Variants in ZNF281 observed in about 807,000 individuals in gnomAD.
The protein encoded by ZNF281 is GC-box-binding zinc finger protein 1.
A neutral mutation model predicts 58.8 loss-of-function variants in ZNF281; 2 were observed. The ratio of observed to expected loss-of-function variants is 0.03; its 90% CI spans 0.01 to 0.11. The LOEUF (loss-of-function observed/expected upper bound fraction) is 0.11. Ranked by LOEUF, ZNF281 falls within the 10% of genes least tolerant of loss-of-function variation. The pLI, the probability that ZNF281 is intolerant of heterozygous loss-of-function variation, is 1.00. For synonymous variants in ZNF281, 465 were observed against 407.7 expected (o/e 1.14, Z -1.69); for missense variants, 975 against 1,090.7 (o/e 0.89, Z 1.49).
In ZNF281 at chr1:200,409,641, G is replaced by C. The variant is rs1654566227; in HGVS notation, c.65C>G (p.Ser22Cys). The part of the protein sequence containing the change: ...GGTGSSGGSG[S>C]GGGGSGGGGG... ...GCCGCCGCCACTACCACCGCCGCCG[G>C]AGCCGCTACCACCGCTACTGCCGGT... Residue 22 changes from serine to cysteine, a missense_variant, in exon 2 of 2, where the codon TCC (serine) becomes TGC (cysteine). By Grantham distance (112) the Ser-to-Cys change is moderately radical. This residue lies in a region of ZNF281 where 370 missense variants were observed against 360.9 expected (regional missense o/e 1.03). Coordinates refer to ENST00000367353, the MANE Select transcript of ZNF281 (RefSeq NM_001281293.2). 3 of 1,546,506 alleles carry C rather than the reference G, an allele frequency of 1.9e-6. No homozygotes were observed. The highest frequency in any genetic ancestry group is 2.6e-6 in the Non-Finnish European group (3 of 1,148,192).
Position 200,409,110 on chromosome 1 carries a change from C to T in ZNF281, c.596G>A (p.Ser199Asn), listed in dbSNP as rs1188250073. The T allele has an allele frequency of 6.2e-7, 1 of 1,614,128 alleles. No individual in the cohort carries two copies. Among genetic ancestry groups the T allele is most frequent in the African/African-American group, 1.3e-5 (1 of 74,932 alleles). ...ATGGTGGTCATCAGTCCTGCTACTG[C>T]TGCTGAGTAATACGTCACGGTGGTG... Reference protein sequence around the residue: ...AQHHRDVLLSSSSRTDDHHGT... With the variant: ...AQHHRDVLLSNSSRTDDHHGT... The change falls in exon 2 of 2, where the codon AGC (serine) becomes AAC (asparagine). Residue 199 changes from serine to asparagine, a missense_variant. Physicochemically the swap from Ser to Asn is conservative, Grantham distance 46. Coordinates refer to ENST00000367353, the MANE Select transcript of ZNF281 (RefSeq NM_001281293.2).
chr1:200,406,786 A>G lies in ZNF281; in HGVS notation c.*232T>C, dbSNP rs962815111. 16 of 402,662 alleles carry G rather than the reference A, an allele frequency of 4.0e-5. No homozygotes were observed. Among genetic ancestry groups the G allele is most frequent in the African/African-American group, 2.5e-4 (12 of 47,754 alleles). The allele number at this position is 402,662 out of a possible 1,614,324, so 24.9% of individuals were successfully genotyped here. A position where few individuals can be genotyped will look rare whatever the true frequency, so the allele number is the denominator to read the frequency against. On this transcript the variant is annotated 3_prime_UTR_variant, in exon 2 of 2. Coordinates refer to ENST00000367353, the MANE Select transcript of ZNF281 (RefSeq NM_001281293.2). The stretch of plus-strand genomic sequence containing the variant: ...ATCTATACATGTAAATTTGATTGCT[A>G]AACATTGTCACTTTGAATGTCAAAC...
At position 200,405,703 on chromosome 1, in the gene ZNF281, G is replaced by A. The variant is rs184307307; in HGVS notation, c.*1315C>T. The A allele has an allele frequency of 6.6e-6, 1 of 152,260 alleles. No individual in the cohort carries two copies. The highest frequency in any genetic ancestry group is 1.9e-4 in the East Asian group (1 of 5,194). The allele number at this position is 152,260 out of a possible 1,614,324, so 9.4% of individuals were successfully genotyped here. A position where few individuals can be genotyped will look rare whatever the true frequency, so the allele number is the denominator to read the frequency against. On this transcript the variant is annotated 3_prime_UTR_variant, in exon 2 of 2. Transcript: ENST00000367353. Reference sequence around the variant, plus strand: ...TACTAATGCACCCTTTCATTAAAATGTACATTAAAGGCCGCAATTTCACAA... The same window carrying A: ...TACTAATGCACCCTTTCATTAAAATATACATTAAAGGCCGCAATTTCACAA...
chr1:200,408,901 C>G lies in ZNF281; in HGVS notation c.805G>C (p.Ala269Pro). The change falls in exon 2 of 2, where the codon GCT (alanine) becomes CCT (proline). Residue 269 changes from alanine to proline, a missense_variant. Physicochemically the swap from Ala to Pro is conservative, Grantham distance 27. This residue lies in a region of ZNF281 where 370 missense variants were observed against 360.9 expected (regional missense o/e 1.03). Transcript: ENST00000367353. Reference sequence around the variant, plus strand: ...CGCAGGTGATAGGAGCTTCGGAAAGCAGCACTACAGTGATCACAGATATGA... The same window carrying G: ...CGCAGGTGATAGGAGCTTCGGAAAGGAGCACTACAGTGATCACAGATATGA... ...KPHICDHCSA[A>P]FRSSYHLRRH... 1.2e-6 allele frequency: 2 copies of G among 1,614,252 alleles called. No individual in the cohort carries two copies. The highest frequency in any genetic ancestry group is 1.7e-6 in the Non-Finnish European group (2 of 1,180,046).
Position 200,406,871 on chromosome 1 carries a change from T to G in ZNF281, c.*147A>C, listed in dbSNP as rs1654465184. On this transcript the variant is annotated 3_prime_UTR_variant, in exon 2 of 2. Transcript: ENST00000367353. Reference sequence around the variant, plus strand: ...AATACAAACAGAGCTAAAATCACGCTAACAAAATAAACTAAATATGAAAAG... The same window carrying G: ...AATACAAACAGAGCTAAAATCACGCGAACAAAATAAACTAAATATGAAAAG... 3 of 716,290 alleles carry G rather than the reference T, an allele frequency of 4.2e-6. No homozygotes were observed. 44.4% of individuals were successfully genotyped at this position (716,290 alleles called of 1,614,324 possible). A position where few individuals can be genotyped will look rare whatever the true frequency, so the allele number is the denominator to read the frequency against.
In ZNF281 at chr1:200,407,994, C is replaced by T. The variant is rs1339294165; in HGVS notation, c.1712G>A (p.Gly571Asp). ...TGCCTCATTGTCCAAAACACTGACA[C>T]CTGCAGACTGAATGACAGACTGTTG... The part of the protein sequence containing the change: ...VSQQSVIQSA[G>D]VSVLDNEAPL... The change falls in exon 2 of 2, where the codon GGT (glycine) becomes GAT (aspartate). Residue 571 changes from glycine to aspartate, a missense_variant. Transcript: ENST00000367353. 2 of 1,614,064 alleles carry T rather than the reference C, an allele frequency of 1.2e-6. No homozygotes were observed. Among genetic ancestry groups the T allele is most frequent in the Non-Finnish European group, 1.7e-6 (2 of 1,180,050 alleles).
At position 200,407,319 on chromosome 1, in the gene ZNF281, T is replaced by C; in HGVS notation, c.2387A>G (p.Asn796Ser). 1 of 1,614,092 alleles carries C rather than the reference T, an allele frequency of 6.2e-7. No homozygotes were observed. Among genetic ancestry groups the C allele is most frequent in the Non-Finnish European group, 8.5e-7 (1 of 1,180,034 alleles). ...CTGAAAGCCTGTTGAAGACTCTAAG[T>C]TTTTCTGTTCCTTCTGGCTAGTCAA... ...QKLTSQKEQKNLESSTGFQIP... is the reference protein window; with the variant it reads ...QKLTSQKEQKSLESSTGFQIP... Residue 796 changes from asparagine (N) to serine (S), a missense_variant, in exon 2 of 2, where the codon AAC becomes AGC. Coordinates refer to ENST00000367353, the MANE Select transcript of ZNF281 (RefSeq NM_001281293.2).
rs1558005286 is a variant in ZNF281, at chr1:200,408,299, T to C, written c.1407A>G (p.Lys469=). 1.2e-6 allele frequency: 2 copies of C among 1,612,244 alleles called. No individual in the cohort carries two copies. Among genetic ancestry groups the C allele is most frequent in the East Asian group, 4.5e-5 (2 of 44,882 alleles). Residue 469 remains lysine (K), a synonymous_variant, in exon 2 of 2, where the codon AAA becomes AAG. Transcript: ENST00000367353. ...TTTTATCTGTATTCTTTCTGCTTCCTTTCTTAAAGATCAATTTTGGCACCC... is the reference window on the plus strand; with the variant it reads ...TTTTATCTGTATTCTTTCTGCTTCCCTTCTTAAAGATCAATTTTGGCACCC... ...QKRVPKLIFK[K]GSRKNTDKNY... is the part of the protein sequence containing the mutation.
Position 200,408,052 on chromosome 1 carries a change from C to T in ZNF281, c.1654G>A (p.Ala552Thr). The change falls in exon 2 of 2, where the codon GCC (alanine) becomes ACC (threonine). Residue 552 changes from alanine (A) to threonine (T), a missense_variant. Around this residue, in one of 3 missense-constraint regions of ZNF281, gnomAD observed 579 missense variants for 608.9 expected, o/e 0.95. Coordinates refer to ENST00000367353, the MANE Select transcript of ZNF281 (RefSeq NM_001281293.2). ...RYLPTASSNS[A>T]FSINVGHMVS... The stretch of plus-strand genomic sequence containing the variant: ...ATGTGTCCTACGTTTATAGAAAAGG[C>T]ACTGTTGCTGCTGGCAGTTGGTAAA... 7 of 1,614,190 alleles carry T rather than the reference C, an allele frequency of 4.3e-6. No individual in the cohort carries two copies. The highest frequency in any genetic ancestry group is 5.9e-6 in the Non-Finnish European group (7 of 1,180,038).
chr1:200,409,274 ATGG>A lies in ZNF281; in HGVS notation c.429_431del (p.His148del). On this transcript the variant is annotated inframe_deletion, in exon 2 of 2. Coordinates refer to ENST00000367353, the MANE Select transcript of ZNF281 (RefSeq NM_001281293.2). The stretch of plus-strand genomic sequence containing the variant: ...ACAGCCCCCCATAGTGGTGGTGGTG[ATGG>A]TGGTGGTGGGACTGCTGCTCCTCAG... 6.2e-7 allele frequency: 1 copy of A among 1,613,018 alleles called. No homozygotes were observed.
Position 200,407,788 on chromosome 1 carries a change from C to G in ZNF281, c.1918G>C (p.Glu640Gln). ...TCTTCTTGAACCAATTCTGAGTGTT[C>G]TCCTGAGGTGTGTAAATCCACTCGT... ...EPRVDLHTSG[E>Q]HSELVQEENL... Residue 640 changes from glutamate to glutamine, a missense_variant, in exon 2 of 2, where the codon GAA becomes CAA. Transcript: ENST00000367353. The G allele has an allele frequency of 6.2e-7, 1 of 1,614,158 alleles. No individual in the cohort carries two copies. The highest frequency in any genetic ancestry group is 8.5e-7 in the Non-Finnish European group (1 of 1,180,030).
Position 200,407,148 on chromosome 1 carries a change from G to C in ZNF281, c.2558C>G (p.Ser853Cys). The change falls in exon 2 of 2, where the codon TCT becomes TGT. Residue 853 changes from serine (S) to cysteine (C), a missense_variant. Coordinates refer to ENST00000367353, the MANE Select transcript of ZNF281 (RefSeq NM_001281293.2). The part of the protein sequence containing the change: ...SRVPMTFITN[S>C]NGEVDHRVRT... ...TACTCTATGGTCCACTTCTCCATTA[G>C]AGTTAGTGATAAAGGTCATTGGCAC... 3 of 1,614,140 alleles carry C rather than the reference G, an allele frequency of 1.9e-6. No homozygotes were observed. Among genetic ancestry groups the C allele is most frequent in the Non-Finnish European group, 2.5e-6 (3 of 1,180,022 alleles).
Position 200,410,006 on chromosome 1 carries a change from C to T in ZNF281, c.-79G>A. Reference sequence around the variant, plus strand: ...GTTAATAAAAATAACGCCGTCCTCTCCACAATGGAATTAAAAGCCTCCCGT... The same window carrying T: ...GTTAATAAAAATAACGCCGTCCTCTTCACAATGGAATTAAAAGCCTCCCGT... On this transcript the variant is annotated 5_prime_UTR_variant, in exon 1 of 2. Transcript: ENST00000367353. 1 of 551,272 alleles carries T rather than the reference C, an allele frequency of 1.8e-6. No homozygotes were observed. Among genetic ancestry groups the T allele is most frequent in the Non-Finnish European group, 3.2e-6 (1 of 311,712 alleles). 34.1% of individuals were successfully genotyped at this position (551,272 alleles called of 1,614,324 possible).
In ZNF281 at chr1:200,408,445, C is replaced by A; in HGVS notation, c.1261G>T (p.Gly421Cys). Residue 421 changes from glycine to cysteine, a missense_variant, in exon 2 of 2, where the codon GGT becomes TGT. Gly to Cys is a radical substitution (Grantham distance 159). Around this residue, in one of 3 missense-constraint regions of ZNF281, gnomAD observed 579 missense variants for 608.9 expected, o/e 0.95. Coordinates refer to ENST00000367353, the MANE Select transcript of ZNF281 (RefSeq NM_001281293.2). ...IAIENKEQKT[G>C]KTNESQISNN... ...GAAATTTGCGATTCATTTGTTTTAC[C>A]GGTCTTCTGTTCCTTATTTTCAATA... The A allele has an allele frequency of 6.2e-7, 1 of 1,614,064 alleles. No homozygotes were observed. The highest frequency in any genetic ancestry group is 8.5e-7 in the Non-Finnish European group (1 of 1,180,014).
Position 200,408,049 on chromosome 1 carries a change from A to G in ZNF281, c.1657T>C (p.Phe553Leu). The G allele has an allele frequency of 6.2e-7, 1 of 1,614,224 alleles. No homozygotes were observed. The highest frequency in any genetic ancestry group is 8.5e-7 in the Non-Finnish European group (1 of 1,180,054). Reference sequence around the variant, plus strand: ...ACCATGTGTCCTACGTTTATAGAAAAGGCACTGTTGCTGCTGGCAGTTGGT... The same window carrying G: ...ACCATGTGTCCTACGTTTATAGAAAGGGCACTGTTGCTGCTGGCAGTTGGT... The part of the protein sequence containing the change: ...YLPTASSNSA[F>L]SINVGHMVSQ... Residue 553 changes from phenylalanine (F) to leucine (L), a missense_variant, in exon 2 of 2, where the codon TTT (phenylalanine) becomes CTT (leucine). Coordinates refer to ENST00000367353, the MANE Select transcript of ZNF281 (RefSeq NM_001281293.2).
In ZNF281 at chr1:200,408,565, C is replaced by T; in HGVS notation, c.1141G>A (p.Gly381Arg). The T allele has an allele frequency of 6.2e-7, 1 of 1,614,168 alleles. No individual in the cohort carries two copies. The highest frequency in any genetic ancestry group is 8.5e-7 in the Non-Finnish European group (1 of 1,180,030). ...CCCATATTGGTATGGTTTGATGACCCAGGTTCTGCACTAGTGGCTCCTTTA... is the reference window on the plus strand; with the variant it reads ...CCCATATTGGTATGGTTTGATGACCTAGGTTCTGCACTAGTGGCTCCTTTA... ...IVKGATSAEP[G>R]SSNHTNMGNL... Residue 381 changes from glycine (G) to arginine (R), a missense_variant, in exon 2 of 2, where the codon GGG becomes AGG. Physicochemically the swap from Gly to Arg is moderately radical, Grantham distance 125. This residue lies in a region of ZNF281 where 579 missense variants were observed against 608.9 expected (regional missense o/e 0.95). Coordinates refer to ENST00000367353, the MANE Select transcript of ZNF281 (RefSeq NM_001281293.2).
rs61734670 is a variant in ZNF281 at position 200,408,344 on chromosome 1, T to G, written c.1362A>C (p.Gly454=). 2,712 of 1,613,846 alleles carry G rather than the reference T, an allele frequency of 1.7e-3. 39 individuals carry two copies. In the African/African-American group the frequency reaches 0.033, roughly 19 times the overall value. The change falls in exon 2 of 2, where the codon GGA becomes GGC. Residue 454 remains glycine, a synonymous_variant. Transcript: ENST00000367353. ...GCACCCTCTTCTGCAGTTCATCTAT[T>G]CCAGTGCCAATTATGCCTCCACTGG... The part of the protein sequence containing the change: ...VSSSGGIIGT[G]IDELQKRVPK...
Position 200,407,653 on chromosome 1 carries a change from T to C in ZNF281, c.2053A>G (p.Thr685Ala), listed in dbSNP as rs1445714213. 1.2e-6 allele frequency: 2 copies of C among 1,614,164 alleles called. No individual in the cohort carries two copies. The highest frequency in any genetic ancestry group is 1.7e-6 in the Non-Finnish European group (2 of 1,180,018). The part of the protein sequence containing the change: ...AFEKSTNASF[T>A]LGHGFQFVSL... ...ACAAATTGGAAACCGTGTCCAAGAGTAAAACTTGCATTAGTGGATTTTTCA... is the reference window on the plus strand; with the variant it reads ...ACAAATTGGAAACCGTGTCCAAGAGCAAAACTTGCATTAGTGGATTTTTCA... The change falls in exon 2 of 2, where the codon ACT becomes GCT. Residue 685 changes from threonine (T) to alanine (A), a missense_variant. Thr to Ala is a moderately conservative substitution (Grantham distance 58, BLOSUM62 0). This residue lies in a region of ZNF281 where 579 missense variants were observed against 608.9 expected (regional missense o/e 0.95). Coordinates refer to ENST00000367353, the MANE Select transcript of ZNF281 (RefSeq NM_001281293.2).
At position 200,407,123 on chromosome 1, in the gene ZNF281, T is replaced by C; in HGVS notation, c.2583A>G (p.Val861=). Reference sequence around the variant, plus strand: ...CTGAGAAATCTGACACTGAAGTCCTTACTCTATGGTCCACTTCTCCATTAG... The same window carrying C: ...CTGAGAAATCTGACACTGAAGTCCTCACTCTATGGTCCACTTCTCCATTAG... ...TNSNGEVDHR[V]RTSVSDFSGY... is the part of the protein sequence containing the mutation. The change falls in exon 2 of 2, where the codon GTA becomes GTG. Residue 861 remains valine (V), a synonymous_variant. Transcript: ENST00000367353. 1 of 1,614,216 alleles carries C rather than the reference T, an allele frequency of 6.2e-7. No individual in the cohort carries two copies. The highest frequency in any genetic ancestry group is 8.5e-7 in the Non-Finnish European group (1 of 1,180,034).
Sources: gnomAD v4.1 joint callset for allele counts on GRCh38, gnomAD v4.1.1 for gene constraint, gnomAD v4.1.1 regional missense constraint, MANE v1.5 for transcripts, NCBI Gene and HGNC (gene_info 2026-07-23, HGNC 2026-07-21) for gene names.